Variants in RASGEF1A observed in about 807,000 individuals in gnomAD.
RASGEF1A encodes RasGEF domain family member 1A.
A neutral mutation model predicts 56.4 loss-of-function variants in RASGEF1A; 18 were observed. That is an observed-to-expected ratio of 0.32 (90% CI 0.22 to 0.47). The LOEUF (loss-of-function observed/expected upper bound fraction) is 0.47, where lower values mean the gene tolerates loss of function less well. Ranked by LOEUF, RASGEF1A falls within the 20% of genes least tolerant of loss-of-function variation. The pLI, the probability that RASGEF1A is intolerant of heterozygous loss-of-function variation, is 1.00. For synonymous variants in RASGEF1A, 245 were observed against 242.6 expected (o/e 1.01, Z -0.09); for missense variants, 422 against 627.1 (o/e 0.67, Z 3.49).
At chr10:43,212,130 A>G (rs900672954) in intron 1 of RASGEF1A, among the ~76,000 whole-genome samples, 1 of 152,070 alleles carries the variant, frequency 6.6e-6, no homozygotes, top group African/African-American at 2.4e-5. Context: ...GGGCAGGTTA[A>G]CACCCTGTAG....
chr10:43,214,820 G>A (rs1376365748), intron 1 of RASGEF1A, among the ~76,000 whole-genome samples: 3 of 152,212 alleles, frequency 2.0e-5, no homozygotes, highest in African/African-American at 7.2e-5. Flanking sequence ...GAGTTAGAGT[G>A]AGCTGTGTGC....
chr10:43,223,538 A>C (rs1472139501), intron 1 of RASGEF1A, among the ~76,000 whole-genome samples: 1 of 152,208 alleles, frequency 6.6e-6, no homozygotes, highest in Non-Finnish European at 1.5e-5. Flanking sequence ...AACACTAAGC[A>C]CTTGATTCAA....
chr10:43,207,512 A>G (rs1017111554), intron 1 of RASGEF1A: 2 of 985,194 alleles, frequency 2.0e-6, no homozygotes, highest in East Asian at 2.3e-4. Context: ...TTTTCCCACC[A>G]AACACCTAAA....
At chr10:43,264,915 C>T (rs183055425) in intron 1 of RASGEF1A, among the ~76,000 whole-genome samples, 84 of 152,242 alleles carry the variant, frequency 5.5e-4, no homozygotes, top group African/African-American at 2.0e-3. Flanking sequence ...TCTGTGAAAC[C>T]CACGGTTCTA....
intron 1 of RASGEF1A, among the ~76,000 whole-genome samples, chr10:43,245,397 G>C (rs1444112011): frequency 6.6e-6 from 1 of 152,018 alleles, no homozygotes; most frequent in African/African-American, 2.4e-5. Context: ...TCAAAAAATA[G>C]AATACAAAGC....
chr10:43,208,275 A>C, intron 1 of RASGEF1A: 1 of 985,528 alleles, frequency 1.0e-6, no homozygotes, highest in Non-Finnish European at 1.2e-6. Context: ...CTCCCACTGC[A>C]GGCTGCTCTG....
In RASGEF1A at chr10:43,199,663, C is replaced by A; in HGVS notation, c.849+13G>T. On this transcript the variant is annotated intron_variant, in intron 7 of 12. Transcript: ENST00000395810. The stretch of plus-strand genomic sequence containing the variant: ...ATGGCAGCCACCCCACCATGTCTGC[C>A]ATGGGCACTTACCCGGCACACCTCA... 6.2e-7 allele frequency: 1 copy of A among 1,611,156 alleles called. No homozygotes were observed. Among genetic ancestry groups the A allele is most frequent in the South Asian group, 1.1e-5 (1 of 91,020 alleles).
chr10:43,266,917 G>T lies in RASGEF1A; in HGVS notation c.-79C>A, dbSNP rs985646152. On this transcript the variant is annotated 5_prime_UTR_variant, in exon 1 of 13. Transcript: ENST00000395810. ...GGGCCCCGAGCAGCGCGCGGCCGGC[G>T]CCGGCGGCGGCTCATGCTCGGCGCC... 26 of 145,704 alleles carry T rather than the reference G, an allele frequency of 1.8e-4. No homozygotes were observed. Among genetic ancestry groups the T allele is most frequent in the African/African-American group, 6.1e-4 (25 of 40,680 alleles). 9.0% of individuals were successfully genotyped at this position (145,704 alleles called of 1,614,324 possible). A position where few individuals can be genotyped will look rare whatever the true frequency, so the allele number is the denominator to read the frequency against.
At chr10:43,233,733 C>T (rs1468058237) in intron 1 of RASGEF1A, among the ~76,000 whole-genome samples, 20 of 152,224 alleles carry the variant, frequency 1.3e-4, no homozygotes, top group Non-Finnish European at 1.5e-5. Context: ...ACACCGACCA[C>T]ACCAGGCCCA....
chr10:43,203,262 T>TGCCCCC, intron 3 of RASGEF1A, 36 bp downstream of exon 3: 1 of 1,329,556 alleles, frequency 7.5e-7, no homozygotes, highest in Non-Finnish European at 9.9e-7. Flanking sequence ...TCCTGCCCCC[T>TGCCCCC]GCCCCCGCCC....
rs1839792502 is a variant in RASGEF1A, at chr10:43,196,081, G to C, written c.*163C>G. The stretch of plus-strand genomic sequence containing the variant: ...AAAATAAACAAAAAAAACTTTGTAA[G>C]TGCCAAAGGTTGATGCGTGAAATAA... On this transcript the variant is annotated 3_prime_UTR_variant, in exon 13 of 13. Transcript: ENST00000395810. This position sits in a 1 kb window ranked among gnomAD's most constrained non-coding sequence, Gnocchi z 4.6. 2 of 634,568 alleles carry C rather than the reference G, an allele frequency of 3.2e-6. No individual in the cohort carries two copies. Among genetic ancestry groups the C allele is most frequent in the Admixed American group, 6.0e-5 (2 of 33,478 alleles). 39.3% of individuals were successfully genotyped at this position (634,568 alleles called of 1,614,324 possible). A position where few individuals can be genotyped will look rare whatever the true frequency, so the allele number is the denominator to read the frequency against.
At chr10:43,230,416 AG>A (rs752822834) in intron 1 of RASGEF1A, among the ~76,000 whole-genome samples, 2 of 152,164 alleles carry the variant, frequency 1.3e-5, no homozygotes, top group Non-Finnish European at 2.9e-5. Flanking sequence ...GGAATCTGCC[AG>A]GTGATGGGGC....
At position 43,196,633 on chromosome 10, in the gene RASGEF1A, G is replaced by A; in HGVS notation, c.1349-85C>T. ...GCTGTCCCTTCAGGAGTACAGCCCA[G>A]CACAAGGGGACAGTGACCTCTGGCT... On this transcript the variant is annotated intron_variant, in intron 11 of 12. Coordinates refer to ENST00000395810, the MANE Select transcript of RASGEF1A (RefSeq NM_145313.4). The surrounding 1 kb of genome is among the most constrained non-coding windows in gnomAD (Gnocchi z 4.6). 7.9e-7 allele frequency: 1 copy of A among 1,259,206 alleles called. No individual in the cohort carries two copies. The highest frequency in any genetic ancestry group is 1.2e-6 in the Non-Finnish European group (1 of 868,046). 78.0% of individuals were successfully genotyped at this position (1,259,206 alleles called of 1,614,324 possible).
At chr10:43,245,919 G>A (rs989166336) in intron 1 of RASGEF1A, among the ~76,000 whole-genome samples, 2 of 152,066 alleles carry the variant, frequency 1.3e-5, no homozygotes, top group Non-Finnish European at 2.9e-5. Flanking sequence ...TCGGCAATTG[G>A]ATAAGAAAAA....
At position 43,196,966 on chromosome 10, in the gene RASGEF1A, C is replaced by T. The variant is rs1408725916; in HGVS notation, c.1348+10G>A. 1 of 1,612,374 alleles carries T rather than the reference C, an allele frequency of 6.2e-7. No homozygotes were observed. Among genetic ancestry groups the T allele is most frequent in the South Asian group, 1.1e-5 (1 of 90,970 alleles). On this transcript the variant is annotated intron_variant, in intron 11 of 12. Transcript: ENST00000395810. The surrounding 1 kb of genome is among the most constrained non-coding windows in gnomAD (Gnocchi z 4.6). ...GTGGGAGGCATGCTGCGTTGGGAGG[C>T]AGCCCTCACCTTCCTCGCTGTAGAT...
Position 43,225,903 on chromosome 10 carries a change from G to A in RASGEF1A, c.-6-19781C>T, listed in dbSNP as rs145395129. Reference sequence around the variant, plus strand: ...GGAGGGGGAGAGAGAGGAGGGCGGCGCTCTGACGCATACTTACCGGCCCAA... The same window carrying A: ...GGAGGGGGAGAGAGAGGAGGGCGGCACTCTGACGCATACTTACCGGCCCAA... On this transcript the variant is annotated intron_variant, in intron 1 of 12. Transcript: ENST00000395810. Among the ~76,000 whole-genome samples the A allele has an allele frequency of 6.9e-3, 1,058 of 152,258 alleles. 17 individuals carry two copies. Among genetic ancestry groups the A allele is most frequent in the African/African-American group, 0.024 (995 of 41,542 alleles).
At chr10:43,227,465 C>T (rs79089853) in intron 1 of RASGEF1A, among the ~76,000 whole-genome samples, 1,929 of 152,276 alleles carry the variant, frequency 0.013, 43 homozygotes, top group African/African-American at 0.044. Context: ...GCCTGTGCCC[C>T]GCTGAGGGCT....
chr10:43,207,286 A>T, intron 1 of RASGEF1A: 1 of 985,526 alleles, frequency 1.0e-6, no homozygotes, highest in Non-Finnish European at 1.2e-6. Flanking sequence ...TGCACAGAGC[A>T]AATTGTTGCC....
At chr10:43,257,560 G>A (rs909600260) in intron 1 of RASGEF1A, among the ~76,000 whole-genome samples, 1 of 152,168 alleles carries the variant, frequency 6.6e-6, no homozygotes, top group African/African-American at 2.4e-5. Context: ...TTCCTAGGAG[G>A]GTGGGGATGT....
Sources: allele counts gnomAD v4.1 joint callset (sites outside exome capture counted in the v4.1 genomes callset), GRCh38; gene constraint gnomAD v4.1.1; non-coding constraint Gnocchi (gnomAD v3.1); transcripts MANE v1.5; gene names NCBI Gene and HGNC (gene_info 2026-07-23, HGNC 2026-07-21).